DUSP22: variants seen among roughly 807,000 people sequenced by gnomAD.
DUSP22 encodes dual specificity phosphatase 22, also known as dual specificity protein phosphatase 22.
DUSP22 carries 24 observed loss-of-function variants against 24.5 expected under a neutral mutation model. The observed-to-expected ratio is 0.98, with a 90% CI of 0.71 to 1.38. DUSP22 has a LOEUF of 1.38. Among genes scored for constraint, DUSP22 ranks in the 40% most tolerant of loss-of-function variants. DUSP22 has a pLI of 0.00. For missense variants in DUSP22, 330 were observed against 269.2 expected, an observed-to-expected ratio of 1.23 and a Z score of -1.58; for synonymous variants, 160 against 106.4, an observed-to-expected ratio of 1.50 and a Z score of -3.10.
chr6:315,949 A>T (rs369339798), intron 3 of DUSP22, among the ~76,000 whole-genome samples: 179 of 152,362 alleles, frequency 1.2e-3, no homozygotes, highest in African/African-American at 4.1e-3. Flanking sequence ...GCAGGTGGCA[A>T]ATCCCATAGG....
At chr6:330,910 A>G (rs1032206086) in intron 3 of DUSP22, among the ~76,000 whole-genome samples, 4 of 152,306 alleles carry the variant, frequency 2.6e-5, no homozygotes, top group Non-Finnish European at 4.4e-5. Flanking sequence ...TGTTTTATAC[A>G]TGCTGCTTGG....
chr6:294,070 A>G (rs1757215674), intron 1 of DUSP22, among the ~76,000 whole-genome samples: 1 of 152,284 alleles, frequency 6.6e-6, no homozygotes, highest in Non-Finnish European at 1.5e-5. Context: ...TCAGCATTTA[A>G]TTTATAGTAT....
At chr6:337,657 AG>A (rs1232422303) in intron 4 of DUSP22, among the ~76,000 whole-genome samples, 1 of 152,298 alleles carries the variant, frequency 6.6e-6, no homozygotes, top group Non-Finnish European at 1.5e-5. Flanking sequence ...TAGGGGTTGC[AG>A]GTGCAATTTT....
rs1310033020 is a variant in DUSP22 at position 348,976 on chromosome 6, C to A, written c.*25C>A. The A allele has an allele frequency of 6.4e-7, 1 of 1,560,234 alleles. No homozygotes were observed. Among genetic ancestry groups the A allele is most frequent in the South Asian group, 1.2e-5 (1 of 85,690 alleles). On this transcript the variant is annotated 3_prime_UTR_variant, in exon 7 of 7. Coordinates refer to ENST00000419235, the MANE Select transcript of DUSP22 (RefSeq NM_001286555.3). ...ACGCAAGCGACCTGCTGCCTTCCTTCCCACTGCTTGTCTTCAGTGTGCCCG... is the reference window on the plus strand; with the variant it reads ...ACGCAAGCGACCTGCTGCCTTCCTTACCACTGCTTGTCTTCAGTGTGCCCG...
chr6:337,441 G>A (rs1405267601), intron 4 of DUSP22, among the ~76,000 whole-genome samples: 1 of 152,306 alleles, frequency 6.6e-6, no homozygotes, highest in African/African-American at 2.4e-5. Flanking sequence ...GCAATAACAA[G>A]TTTTGGTGCC....
At chr6:326,815 A>G (rs1388159560) in intron 3 of DUSP22, among the ~76,000 whole-genome samples, 1 of 152,308 alleles carries the variant, frequency 6.6e-6, no homozygotes, top group Non-Finnish European at 1.5e-5. Context: ...AGAATTGAGC[A>G]CAGCTGCAGA....
intron 2 of DUSP22, among the ~76,000 whole-genome samples, chr6:311,613 G>A (rs1231735826): frequency 6.6e-6 from 1 of 152,278 alleles, no homozygotes; most frequent in Non-Finnish European, 1.5e-5. Flanking sequence ...CCGGGAGGCG[G>A]AGCTTGCAGT....
intron 5 of DUSP22, among the ~76,000 whole-genome samples, chr6:347,048 G>T (rs1468842636): frequency 6.6e-6 from 1 of 152,422 alleles, no homozygotes; most frequent in South Asian, 2.1e-4. Context: ...AATACAAATG[G>T]TAGGATTTTA....
intron 4 of DUSP22, among the ~76,000 whole-genome samples, chr6:345,223 T>TC (rs1581192928): frequency 8.0e-6 from 1 of 124,552 alleles, no homozygotes; most frequent in East Asian, 2.2e-4. Flanking sequence ...CTGGTTTCTT[T>TC]CTTTTTTTTT....
intron 1 of DUSP22, among the ~76,000 whole-genome samples, chr6:299,859 G>A (rs1407422605): frequency 1.3e-5 from 2 of 152,302 alleles, no homozygotes; most frequent in African/African-American, 2.4e-5. Flanking sequence ...AAGGGGCAGC[G>A]TTCCCTCTCC....
chr6:342,185 T>G (rs1759638076), intron 4 of DUSP22, among the ~76,000 whole-genome samples: 1 of 152,312 alleles, frequency 6.6e-6, no homozygotes, highest in African/African-American at 2.4e-5. Flanking sequence ...CTTTGCAGTG[T>G]GTTCTGACGT....
chr6:325,110 G>GT (rs1758797798), intron 3 of DUSP22: 1 of 190,484 alleles, frequency 5.2e-6, no homozygotes, highest in Non-Finnish European at 1.1e-5. Flanking sequence ...GTGCAGTGCT[G>GT]TACCTGCTGG....
chr6:295,349 CTCT>C (rs1209346738), intron 1 of DUSP22, among the ~76,000 whole-genome samples: 8 of 152,296 alleles, frequency 5.3e-5, no homozygotes, highest in African/African-American at 1.9e-4. Context: ...CCTGTGGTGG[CTCT>C]TCTTGTCGGT....
At chr6:303,148 A>T (rs1419790782) in intron 1 of DUSP22, among the ~76,000 whole-genome samples, 1 of 152,296 alleles carries the variant, frequency 6.6e-6, no homozygotes, top group Non-Finnish European at 1.5e-5. Flanking sequence ...GACCCTCGGG[A>T]ATGAGAGACT....
chr6:342,183 T>C (rs1226206264), intron 4 of DUSP22, among the ~76,000 whole-genome samples: 1 of 152,302 alleles, frequency 6.6e-6, no homozygotes, highest in East Asian at 1.9e-4. Context: ...GTCTTTGCAG[T>C]GTGTTCTGAC....
At chr6:322,092 C>T (rs955413269) in intron 3 of DUSP22, among the ~76,000 whole-genome samples, 1 of 152,042 alleles carries the variant, frequency 6.6e-6, no homozygotes. Flanking sequence ...ACATAGTGTA[C>T]ACATATCATC....
chr6:311,096 C>T (rs1380083559), intron 2 of DUSP22, among the ~76,000 whole-genome samples: 3 of 152,296 alleles, frequency 2.0e-5, no homozygotes, highest in East Asian at 1.9e-4. Flanking sequence ...GTGGCAATTA[C>T]AAAAAATTGT....
At chr6:326,497 T>TGGAGAGTCATCTGCCC (rs1483161013) in intron 3 of DUSP22, among the ~76,000 whole-genome samples, 59 of 107,930 alleles carry the variant, frequency 5.5e-4, no homozygotes, top group Middle Eastern at 5.0e-3. Context: ...TGCGGGTGCC[T>TGGAGAGTCATCTGCCC]GGAGAGTCAT....
In DUSP22 at chr6:348,185, C is replaced by T. The variant is rs2127423460; in HGVS notation, c.346C>T (p.His116Tyr). The T allele has an allele frequency of 6.2e-7, 1 of 1,614,310 alleles. No homozygotes were observed. Among genetic ancestry groups the T allele is most frequent in the Non-Finnish European group, 8.5e-7 (1 of 1,180,060 alleles). ...TGACTTTGGCTGGGAGGATGCCCTG[C>T]ACACCGTGCGTGCTGGGAGATCCTG... ...VTDFGWEDAL[H>Y]TVRAGRSCAN... is the part of the protein sequence containing the mutation. Residue 116 changes from histidine to tyrosine, a missense_variant, in exon 6 of 7, where the codon CAC becomes TAC. His to Tyr is a moderately conservative substitution (Grantham distance 83). Coordinates refer to ENST00000419235, the MANE Select transcript of DUSP22 (RefSeq NM_001286555.3).
Sources: gnomAD v4.1 joint callset for allele counts (sites outside exome capture counted in the v4.1 genomes callset) on GRCh38, gnomAD v4.1.1 for gene constraint, MANE v1.5 for transcripts, NCBI Gene and HGNC (gene_info 2026-07-23, HGNC 2026-07-21) for gene names.